Variants in C16orf96 observed in about 807,000 individuals in gnomAD.
C16orf96 encodes uncharacterized protein C16orf96.
C16orf96 carries 108 observed loss-of-function variants against 103.6 expected under a neutral mutation model. The observed-to-expected ratio is 1.04, with a 90% CI of 0.89 to 1.22. The LOEUF (loss-of-function observed/expected upper bound fraction) is 1.22, where lower values mean the gene tolerates loss of function less well. Ranked by LOEUF, C16orf96 falls within the 50% of genes most tolerant of loss-of-function variation. C16orf96 has a pLI of 0.00. For missense variants in C16orf96, 1,586 were observed against 1,464.2 expected (o/e 1.08, Z -1.36); for synonymous variants, 566 against 593.5 (o/e 0.95, Z 0.67).
Position 4,575,505 on chromosome 16 carries a change from T to A in C16orf96, c.1025T>A (p.Leu342Gln), listed in dbSNP as rs1203397378. The part of the protein sequence containing the change: ...TEPVPGLELG[L>Q]ELEPVPALGP... ...CCTGTGCCAGGACTGGAGCTGGGGC[T>A]GGAGCTGGAGCCTGTGCCTGCCCTG... The change falls in exon 5 of 16, where the codon CTG becomes CAG. Residue 342 changes from leucine to glutamine, a missense_variant. Leu to Gln is a moderately radical substitution (Grantham distance 113). Transcript: ENST00000444310. 6.5e-7 allele frequency: 1 copy of A among 1,546,822 alleles called. No individual in the cohort carries two copies. Among genetic ancestry groups the A allele is most frequent in the Non-Finnish European group, 8.7e-7 (1 of 1,146,478 alleles).
chr16:4,549,670 C>T, the C16orf96 span, among the ~76,000 whole-genome samples: 927 of 150,772 alleles, frequency 6.1e-3, 10 homozygotes, highest in Non-Finnish European at 0.01. Flanking sequence ...GGGTTGCGGG[C>T]GCCTGCAATC....
chr16:4,544,930 C>G, the C16orf96 span, among the ~76,000 whole-genome samples: 2 of 152,170 alleles, frequency 1.3e-5, no homozygotes, highest in Non-Finnish European at 2.9e-5. Flanking sequence ...CGTAGAGCCA[C>G]TATGTGACCC....
At position 4,575,318 on chromosome 16, in the gene C16orf96, G is replaced by C; in HGVS notation, c.838G>C (p.Val280Leu). 2 of 1,551,310 alleles carry C rather than the reference G, an allele frequency of 1.3e-6. No homozygotes were observed. Among genetic ancestry groups the C allele is most frequent in the Non-Finnish European group, 1.7e-6 (2 of 1,146,998 alleles). ...CCAAAACCCCCAGCTACTGCAGACT[G>C]TCTGGCATTATGAGGTCCCAGAGCT... is the stretch of plus-strand genomic sequence containing the variant. ...PVQNPQLLQTVWHYEVPELLP... is the reference protein window; with the variant it reads ...PVQNPQLLQTLWHYEVPELLP... Residue 280 changes from valine (V) to leucine (L), a missense_variant, in exon 5 of 16, where the codon GTC (valine) becomes CTC (leucine). Val to Leu is a conservative substitution (Grantham distance 32). Transcript: ENST00000444310.
the C16orf96 span, among the ~76,000 whole-genome samples, chr16:4,540,211 G>A: frequency 5.9e-5 from 9 of 152,340 alleles, no homozygotes; most frequent in African/African-American, 2.2e-4. Context: ...GACTGTGAAG[G>A]AGAGGAAGGG....
chr16:4,573,811 G>A (rs1260300491), intron 2 of C16orf96, among the ~76,000 whole-genome samples: 1 of 151,590 alleles, frequency 6.6e-6, no homozygotes, highest in African/African-American at 2.4e-5. Context: ...CTGTCTCTTG[G>A]AGGTGTTTTT....
chr16:4,568,947 C>T (rs962364476), intron 1 of C16orf96, among the ~76,000 whole-genome samples: 17 of 151,490 alleles, frequency 1.1e-4, no homozygotes, highest in African/African-American at 4.1e-4. Flanking sequence ...CTTTTTATCT[C>T]GGGTTTTGTT....
At chr16:4,558,651 AC>A (rs36016614) in intron 1 of C16orf96, among the ~76,000 whole-genome samples, 13,259 of 151,768 alleles carry the variant, frequency 0.087, 835 homozygotes, top group South Asian at 0.16. Flanking sequence ...ACAGTGGCGC[AC>A]ACCTGTAATC....
intron 7 of C16orf96, among the ~76,000 whole-genome samples, chr16:4,581,459 C>G (rs2059587994): frequency 6.6e-6 from 1 of 151,302 alleles, no homozygotes; most frequent in African/African-American, 2.4e-5. Context: ...TGGTGAAACC[C>G]CATCTCTACT....
the C16orf96 span, among the ~76,000 whole-genome samples, chr16:4,544,618 T>C: frequency 1.3e-5 from 2 of 152,050 alleles, no homozygotes; most frequent in South Asian, 2.1e-4. Flanking sequence ...GAAAAATAGG[T>C]ATATTTAATT....
intron 1 of C16orf96, among the ~76,000 whole-genome samples, chr16:4,557,948 G>A (rs562306032): frequency 1.3e-5 from 2 of 152,324 alleles, no homozygotes; most frequent in African/African-American, 4.8e-5. Flanking sequence ...GGGATTAGAA[G>A]CGTGAGCTAC....
upstream of C16orf96, among the ~76,000 whole-genome samples, chr16:4,553,844 T>C (rs998684988): frequency 2.6e-5 from 4 of 152,158 alleles, no homozygotes; most frequent in African/African-American, 9.6e-5. Flanking sequence ...CATGTTTTAT[T>C]TCCCCATTTA....
At chr16:4,571,455 C>A (rs989117058) in intron 1 of C16orf96, 106 bp from the exon 2 acceptor site, 23 of 926,564 alleles carry the variant, frequency 2.5e-5, no homozygotes, top group African/African-American at 3.3e-5. Context: ...CTTGGGAGAG[C>A]CAAGAGGACC....
At position 4,593,253 on chromosome 16, in the gene C16orf96, T is replaced by TG; in HGVS notation, c.2805dup (p.Leu936AlafsTer43). ...CTGATCACCATCCGCAAAGCCCACC[T>TG]GCTGTCCCGGCTGCGGCCAGCCAGC... On this transcript the variant is annotated frameshift_variant, in exon 12 of 16. Transcript: ENST00000444310. LOFTEE classifies it high-confidence loss of function. The surrounding 1 kb of genome is among the most constrained non-coding windows in gnomAD (Gnocchi z 4.2). 1.9e-6 allele frequency: 3 copies of TG among 1,551,116 alleles called. No individual in the cohort carries two copies. In the South Asian group the frequency reaches 3.6e-5, roughly 18 times the overall value.
chr16:4,546,979 T>C, the C16orf96 span, among the ~76,000 whole-genome samples: 3 of 89,174 alleles, frequency 3.4e-5, no homozygotes, highest in South Asian at 1.0e-3. Flanking sequence ...TTGTGGAGAA[T>C]AGGGTCTCGA....
chr16:4,579,250 T>A (rs1195956098), intron 6 of C16orf96, among the ~76,000 whole-genome samples: 4 of 151,828 alleles, frequency 2.6e-5, no homozygotes, highest in Non-Finnish European at 5.9e-5. Flanking sequence ...GTGTCTCAGG[T>A]GGCTGTTCAG....
At chr16:4,579,108 C>A in intron 6 of C16orf96, 83 bp downstream of exon 6, 1 of 1,238,710 alleles carries the variant, frequency 8.1e-7, no homozygotes, top group South Asian at 1.3e-5. Flanking sequence ...TGCCCCCCTC[C>A]CAGGTGCAGC....
intron 7 of C16orf96, among the ~76,000 whole-genome samples, chr16:4,582,404 G>T (rs1409913082): frequency 2.0e-5 from 3 of 152,130 alleles, no homozygotes; most frequent in African/African-American, 7.2e-5. Context: ...TGTGTTGGGG[G>T]AAAAGGGACC....
intron 1 of C16orf96, 133 bp downstream of exon 1, chr16:4,557,042 TC>T: frequency 9.7e-7 from 1 of 1,030,616 alleles, no homozygotes; most frequent in Non-Finnish European, 1.4e-6. Context: ...TGATCTTGGC[TC>T]ACTGCAACCT....
chr16:4,570,362 C>G (rs1368425382), intron 1 of C16orf96, among the ~76,000 whole-genome samples: 1 of 151,406 alleles, frequency 6.6e-6, no homozygotes, highest in African/African-American at 2.4e-5. Flanking sequence ...ATAAAGGGCT[C>G]TGTTAAGTGC....
Sources: allele counts gnomAD v4.1 joint callset (sites outside exome capture counted in the v4.1 genomes callset), GRCh38; gene constraint gnomAD v4.1.1; non-coding constraint Gnocchi (gnomAD v3.1); transcripts MANE v1.5; gene names NCBI Gene and HGNC (gene_info 2026-07-23, HGNC 2026-07-21).